The following MICAL2 variants were observed in gnomAD, a reference collection of about 807,000 sequenced individuals.
MICAL2 encodes the protein microtubule associated monooxygenase, calponin and LIM domain containing 2.
A neutral mutation model predicts 127.3 loss-of-function variants in MICAL2; 77 were observed. The ratio of observed to expected loss-of-function variants is 0.60; its 90% CI spans 0.50 to 0.73. The LOEUF is 0.73. MICAL2 is among the 30% of genes least tolerant of loss of function. MICAL2 has a pLI of 0.00. For missense variants in MICAL2, 1,351 were observed against 1,434.4 expected (o/e 0.94, Z 0.94); for synonymous variants, 570 against 551.1 (o/e 1.03, Z -0.48).
intron 33 of MICAL2, among the ~76,000 whole-genome samples, chr11:12,354,095 G>C (rs1448977009): frequency 6.6e-6 from 1 of 152,234 alleles, no homozygotes; most frequent in Non-Finnish European, 1.5e-5. Context: ...GCCTTCAGCT[G>C]CTCCCCCTGG....
At chr11:12,354,921 A>G (rs957162348) in intron 34 of MICAL2, 2 of 1,492,802 alleles carry the variant, frequency 1.3e-6, no homozygotes, top group Non-Finnish European at 1.8e-6. Flanking sequence ...AGCGTGTGCC[A>G]CAAATCCCAG....
chr11:12,256,024 G>T, intron 23 of MICAL2: 1 of 400,832 alleles, frequency 2.5e-6, no homozygotes, highest in Admixed American at 3.7e-5. Context: ...GAAAGGCCCA[G>T]GTGAGGCCGT....
chr11:12,339,734 A>G (rs11022313), intron 32 of MICAL2, among the ~76,000 whole-genome samples: 11,929 of 152,232 alleles, frequency 0.078, 712 homozygotes, highest in African/African-American at 0.16. Context: ...TTGCCTGGGT[A>G]TCAGCAGTGG....
intron 1 of MICAL2, among the ~76,000 whole-genome samples, chr11:12,279,930 C>T (rs1434876782): frequency 2.0e-5 from 3 of 152,144 alleles, no homozygotes; most frequent in East Asian, 1.9e-4. Context: ...CACAGGTGGA[C>T]GAGTGGCAGT....
chr11:12,314,510 G>A (rs557771283), intron 29 of MICAL2, among the ~76,000 whole-genome samples: 42 of 151,148 alleles, frequency 2.8e-4, no homozygotes, highest in Non-Finnish European at 5.2e-4. Context: ...ATGGAGTCTC[G>A]CTCTGTCACC....
intron 1 of MICAL2, among the ~76,000 whole-genome samples, chr11:12,117,566 G>T (rs1480314266): frequency 6.6e-6 from 1 of 152,210 alleles, no homozygotes; most frequent in African/African-American, 2.4e-5. Flanking sequence ...TGAGGTGTAG[G>T]GGAGACTGAA....
intron 5 of MICAL2, 94 bp downstream of exon 5, chr11:12,208,233 T>C: frequency 1.0e-6 from 1 of 990,252 alleles, no homozygotes; most frequent in Non-Finnish European, 1.6e-6. Flanking sequence ...GTAGGAGTTA[T>C]TCTTACTGGG....
At chr11:12,319,781 A>T in exon 30 of MICAL2, 1 of 1,614,096 alleles carries the variant, frequency 6.2e-7, no homozygotes, top group Non-Finnish European at 8.5e-7. Context: ...CAGATGAAGA[A>T]TTTGATCCCC....
intron 15 of MICAL2, among the ~76,000 whole-genome samples, chr11:12,228,644 G>A (rs1260693029): frequency 6.6e-6 from 1 of 152,168 alleles, no homozygotes; most frequent in African/African-American, 2.4e-5. Context: ...AAGATGGGAA[G>A]GGGAACAGGC....
chr11:12,294,272 C>G (rs912407606), downstream of MICAL2: 1 of 1,614,048 alleles, frequency 6.2e-7, no homozygotes, highest in African/African-American at 1.3e-5. Flanking sequence ...CCGAAGGTCT[C>G]TAGAGCCCCT....
chr11:12,319,328 A>C (rs1041218596), intron 29 of MICAL2, among the ~76,000 whole-genome samples: 1 of 152,096 alleles, frequency 6.6e-6, no homozygotes, highest in Non-Finnish European at 1.5e-5. Context: ...TAGGTAACTC[A>C]ACTAACTTCA....
chr11:12,180,349 A>ATATATATATATATATATATATATTT lies in MICAL2; in HGVS notation c.264+17931_264+17932insATATATATATATATATATATATTTT, dbSNP rs11403732. Among the ~76,000 whole-genome samples, 356 of 139,476 alleles carry ATATATATATATATATATATATATTT rather than the reference A, an allele frequency of 2.6e-3. 3 individuals carry two copies. The highest frequency in any genetic ancestry group is 8.8e-3 in the African/African-American group (329 of 37,444). 91.5% of individuals were successfully genotyped at this position (139,476 alleles called of 152,430 possible). On this transcript the variant is annotated intron_variant, in intron 3 of 27. Coordinates refer to ENST00000683283, the MANE Select transcript of MICAL2 (RefSeq NM_001282663.2). Reference sequence around the variant, plus strand: ...TTTATATACATGTATATATGTATATATTTTTTTTTTGGCAGGAAGGTTTCC... The same window carrying ATATATATATATATATATATATATTT: ...TTTATATACATGTATATATGTATATATATATATATATATATATATATATTTTTTTTTTTTTGGCAGGAAGGTTTCC...
chr11:12,245,938 T>G (rs1860682118), intron 21 of MICAL2, among the ~76,000 whole-genome samples: 1 of 152,176 alleles, frequency 6.6e-6, no homozygotes. Flanking sequence ...GTGCCCATAG[T>G]TGGTCAGCCA....
At chr11:12,272,544 A>G (rs1474401049), upstream of MICAL2, among the ~76,000 whole-genome samples, 2 of 152,182 alleles carry the variant, frequency 1.3e-5, no homozygotes, top group Admixed American at 1.3e-4. Context: ...ATTTGGGCAC[A>G]CAGCTCATAG....
At chr11:12,136,634 C>T (rs1254095707) in intron 1 of MICAL2, among the ~76,000 whole-genome samples, 1 of 152,184 alleles carries the variant, frequency 6.6e-6, no homozygotes, top group African/African-American at 2.4e-5. Context: ...CCCTGACCCT[C>T]AAAGGCCAGA....
intron 32 of MICAL2, among the ~76,000 whole-genome samples, chr11:12,346,952 C>G (rs1167849752): frequency 1.3e-5 from 2 of 152,178 alleles, no homozygotes; most frequent in Non-Finnish European, 2.9e-5. Context: ...TTCTCCTACT[C>G]CACATCCTTT....
chr11:12,248,735 A>G (rs1156327576), intron 21 of MICAL2, among the ~76,000 whole-genome samples: 1 of 26,468 alleles, frequency 3.8e-5, no homozygotes, highest in Non-Finnish European at 9.6e-5. Flanking sequence ...TGTCTGGGGC[A>G]TCCCGCCTTT....
intron 5 of MICAL2, chr11:12,208,370 C>T: frequency 2.3e-6 from 1 of 443,282 alleles, no homozygotes; most frequent in Non-Finnish European, 4.1e-6. Context: ...AATTTGGTTA[C>T]CCTGTCCCAA....
chr11:12,216,189 C>T (rs757471436), intron 7 of MICAL2, 30 bp from the exon 8 acceptor site: 1 of 1,529,058 alleles, frequency 6.5e-7, no homozygotes, highest in South Asian at 1.1e-5. Context: ...GAGGAAGTAA[C>T]ACTGAGCTTG....
Sources: gnomAD v4.1 joint callset for allele counts (sites outside exome capture counted in the v4.1 genomes callset) on GRCh38, gnomAD v4.1.1 for gene constraint, MANE v1.5 for transcripts, NCBI Gene and HGNC (gene_info 2026-07-23, HGNC 2026-07-21) for gene names.